NTRK3: variants seen among roughly 807,000 people sequenced by gnomAD.
NTRK3 encodes the protein neurotrophic receptor tyrosine kinase 3, also known as NT-3 growth factor receptor.
A neutral mutation model predicts 91.7 loss-of-function variants in NTRK3; 24 were observed. The ratio of observed to expected loss-of-function variants is 0.26; its 90% CI spans 0.19 to 0.37. NTRK3 has a LOEUF of 0.37. Among genes scored for constraint, NTRK3 ranks in the 10% least tolerant of loss-of-function variants. NTRK3 has a pLI of 1.00. For missense variants in NTRK3, 880 were observed against 1,068.9 expected (o/e 0.82, Z 2.46); for synonymous variants, 483 against 404.0 (o/e 1.20, Z -2.34).
At chr15:87,978,541 C>T (rs1396821049) in intron 14 of NTRK3, 2 of 228,892 alleles carry the variant, frequency 8.7e-6, no homozygotes, top group African/African-American at 4.4e-5. Flanking sequence ...ATGGCCAGTT[C>T]ATGGGTAAAA....
At chr15:87,990,801 G>T (rs1023534926) in intron 14 of NTRK3, among the ~76,000 whole-genome samples, 1 of 152,052 alleles carries the variant, frequency 6.6e-6, no homozygotes, top group African/African-American at 2.4e-5. Flanking sequence ...CCAAACAAAT[G>T]TATGCCCACA....
exon 19 of NTRK3, chr15:87,862,020 T>A (rs1329591367): frequency 4.7e-6 from 1 of 213,400 alleles, no homozygotes; most frequent in African/African-American, 2.3e-5. Context: ...TCTGTACATA[T>A]TATTTCTAAA....
At chr15:88,253,042 A>C (rs1002231632) in intron 3 of NTRK3, 3 of 152,324 alleles carry the variant, frequency 2.0e-5, no homozygotes, top group Admixed American at 1.3e-4. Flanking sequence ...TCAGTTCAGC[A>C]CTTGAAGGAA....
chr15:88,243,843 CA>C lies in NTRK3; in HGVS notation c.248+12062del, dbSNP rs750561230. On this transcript the variant is annotated intron_variant, in intron 3 of 18. Transcript: ENST00000394480. The surrounding 1 kb of genome is among the most constrained non-coding windows in gnomAD (Gnocchi z 4.8). ...TAGTCAGTTGCCCATGTGGTTTCTCCAGTTGTGACTTCGTACTGTGGGCCCC... is the reference window on the plus strand; with the variant it reads ...TAGTCAGTTGCCCATGTGGTTTCTCCGTTGTGACTTCGTACTGTGGGCCCC... Among the ~76,000 whole-genome samples the C allele has an allele frequency of 1.7e-4, 26 of 152,262 alleles. No individual in the cohort carries two copies. Among genetic ancestry groups the C allele is most frequent in the Non-Finnish European group, 2.9e-4 (20 of 68,026 alleles).
intron 3 of NTRK3, among the ~76,000 whole-genome samples, chr15:88,247,840 G>T (rs74027924): frequency 2.6e-5 from 4 of 152,164 alleles, no homozygotes; most frequent in Non-Finnish European, 5.9e-5. Flanking sequence ...AGCAATGAAG[G>T]TAGAGAGGCG....
chr15:88,205,292 C>T (rs2048645806), intron 3 of NTRK3, among the ~76,000 whole-genome samples: 1 of 152,120 alleles, frequency 6.6e-6, no homozygotes, highest in Non-Finnish European at 1.5e-5. Flanking sequence ...TTCAAGAGAG[C>T]ATGGGGAAAC....
Position 88,159,943 on chromosome 15 carries a change from TACACACACACACACACACACACAC to T in NTRK3, c.396-12564_396-12541del, listed in dbSNP as rs59254719. ...TGCCTCCCCACCCCACCCAGCCTCC[TACACACACACACACACACACACAC>T]ACACACACACACACACACACACACA... On this transcript the variant is annotated intron_variant, in intron 5 of 18. Coordinates refer to ENST00000394480, the Ensembl canonical transcript of NTRK3. 4.5e-5 allele frequency among the ~76,000 whole-genome samples: 5 copies of T among 111,968 alleles called. No homozygotes were observed. The South Asian group carries it at 1.9e-3, about 43-fold the overall frequency. 73.5% of individuals were successfully genotyped at this position (111,968 alleles called of 152,430 possible).
chr15:87,881,572 G>A (rs913654975), intron 17 of NTRK3, among the ~76,000 whole-genome samples: 11 of 151,802 alleles, frequency 7.2e-5, no homozygotes, highest in African/African-American at 2.7e-4. Flanking sequence ...GGTGCCCGCT[G>A]CCACACCCGG....
chr15:88,118,323 C>G (rs1597411957), intron 13 of NTRK3, among the ~76,000 whole-genome samples: 2 of 152,264 alleles, frequency 1.3e-5, no homozygotes, highest in East Asian at 3.9e-4. Context: ...CAAGTGAAAG[C>G]TTCCAAGACC....
intron 3 of NTRK3, among the ~76,000 whole-genome samples, chr15:88,214,077 T>A (rs989068786): frequency 1.3e-4 from 7 of 55,292 alleles, no homozygotes; most frequent in Non-Finnish European, 3.1e-4. Context: ...AGACTCTGTC[T>A]CAAAAAAGAA....
At chr15:87,910,573 G>C (rs924625707) in intron 17 of NTRK3, among the ~76,000 whole-genome samples, 2 of 152,176 alleles carry the variant, frequency 1.3e-5, no homozygotes, top group Non-Finnish European at 2.9e-5. Flanking sequence ...AAGAAGTGGA[G>C]GCTGCAAATG....
At chr15:88,028,610 T>G (rs976918916) in intron 14 of NTRK3, among the ~76,000 whole-genome samples, 1 of 151,952 alleles carries the variant, frequency 6.6e-6, no homozygotes, top group Non-Finnish European at 1.5e-5. Flanking sequence ...CAGGCCATCT[T>G]TGCAGACCCA....
intron 13 of NTRK3, among the ~76,000 whole-genome samples, chr15:88,060,629 T>G (rs1436420920): frequency 6.6e-6 from 1 of 152,088 alleles, no homozygotes; most frequent in Non-Finnish European, 1.5e-5. Context: ...GCAGGCACTT[T>G]GATGGGAAGC....
At chr15:88,165,894 C>A (rs528534315) in intron 5 of NTRK3, among the ~76,000 whole-genome samples, 125 of 152,242 alleles carry the variant, frequency 8.2e-4, no homozygotes, top group African/African-American at 2.9e-3. Flanking sequence ...TGCGCATGAG[C>A]AAGAAGTTGT....
At chr15:88,085,653 G>A (rs1428526015) in intron 13 of NTRK3, among the ~76,000 whole-genome samples, 1 of 152,196 alleles carries the variant, frequency 6.6e-6, no homozygotes, top group East Asian at 1.9e-4. Context: ...CCAGCAGTAT[G>A]CAGTAATCGC....
At chr15:87,978,513 C>G (rs1344040275) in intron 14 of NTRK3, 1 of 228,638 alleles carries the variant, frequency 4.4e-6, no homozygotes, top group African/African-American at 2.2e-5. Flanking sequence ...TCCCTTGGTC[C>G]CTTGTGGTCC....
At chr15:88,236,789 A>C (rs1249378821) in intron 3 of NTRK3, among the ~76,000 whole-genome samples, 1 of 150,832 alleles carries the variant, frequency 6.6e-6, no homozygotes, top group African/African-American at 2.4e-5. Flanking sequence ...AAAAAAAAAA[A>C]CACTACTCTC....
chr15:88,064,507 G>C (rs2046482736), intron 13 of NTRK3, among the ~76,000 whole-genome samples: 1 of 152,054 alleles, frequency 6.6e-6, no homozygotes, highest in Non-Finnish European at 1.5e-5. Context: ...GCCTCATCAA[G>C]TAGGTTCTAC....
intron 14 of NTRK3, among the ~76,000 whole-genome samples, chr15:88,009,680 C>T (rs1450836249): frequency 2.6e-5 from 4 of 152,186 alleles, no homozygotes; most frequent in African/African-American, 9.7e-5. Context: ...AGGAGCCCTA[C>T]AAGATGCTGC....
Sources: allele counts gnomAD v4.1 joint callset (sites outside exome capture counted in the v4.1 genomes callset), GRCh38; gene constraint gnomAD v4.1.1; non-coding constraint Gnocchi (gnomAD v3.1); transcripts MANE v1.5; gene names NCBI Gene and HGNC (gene_info 2026-07-23, HGNC 2026-07-21).